The following GULP1 variants were observed in gnomAD, a reference collection of about 807,000 sequenced individuals.
GULP1 encodes PTB domain-containing engulfment adapter protein 1.
A neutral mutation model predicts 40.9 loss-of-function variants in GULP1; 19 were observed. The observed-to-expected ratio is 0.46, with a 90% CI of 0.32 to 0.68. The LOEUF is 0.68. Among genes scored for constraint, GULP1 ranks in the 30% least tolerant of loss-of-function variants. GULP1 has a pLI of 0.03. For missense variants in GULP1, 312 were observed against 362.2 expected, an observed-to-expected ratio of 0.86 and a Z score of 1.12; for synonymous variants, 119 against 117.6, an observed-to-expected ratio of 1.01 and a Z score of -0.08.
chr2:188,511,553 A>C (rs1559327191), intron 4 of GULP1, among the ~76,000 whole-genome samples: 1 of 152,150 alleles, frequency 6.6e-6, no homozygotes, highest in Admixed American at 6.6e-5. Context: ...GAGGGACTCC[A>C]CAGGCAGGAC....
chr2:188,475,711 T>A (rs1049515689), intron 2 of GULP1, among the ~76,000 whole-genome samples: 7 of 152,144 alleles, frequency 4.6e-5, no homozygotes, highest in Non-Finnish European at 8.8e-5. Flanking sequence ...AGTTTATTTT[T>A]ATTTTTTCCT....
intron 7 of GULP1, among the ~76,000 whole-genome samples, chr2:188,565,726 G>A (rs1396181290): frequency 6.6e-6 from 1 of 152,022 alleles, no homozygotes; most frequent in Non-Finnish European, 1.5e-5. Flanking sequence ...GATCTTAGAA[G>A]AATGTTTGTG....
intron 6 of GULP1, among the ~76,000 whole-genome samples, chr2:188,531,852 T>C (rs113968152): frequency 0.01 from 1,592 of 152,236 alleles, 22 homozygotes; most frequent in African/African-American, 0.036. Flanking sequence ...AAAATAAGAA[T>C]AATCCTATTC....
chr2:188,587,986 T>A, intron 11 of GULP1, 37 bp downstream of exon 11: 4 of 1,021,142 alleles, frequency 3.9e-6, no homozygotes, highest in Non-Finnish European at 6.3e-6. Context: ...AAATGATTTA[T>A]TTCATTTTGA....
At chr2:188,329,714 G>T (rs2041290317) in intron 1 of GULP1, among the ~76,000 whole-genome samples, 1 of 152,148 alleles carries the variant, frequency 6.6e-6, no homozygotes, top group Non-Finnish European at 1.5e-5. Context: ...GGACAAAGAT[G>T]GAAGCAGGGA....
At chr2:188,312,326 G>A (rs2038307480) in intron 1 of GULP1, among the ~76,000 whole-genome samples, 1 of 151,980 alleles carries the variant, frequency 6.6e-6, no homozygotes, top group South Asian at 2.1e-4. Flanking sequence ...TCCACCAACA[G>A]AACCTGGTGT....
At chr2:188,307,582 C>T (rs548419242) in intron 1 of GULP1, among the ~76,000 whole-genome samples, 30 of 151,964 alleles carry the variant, frequency 2.0e-4, no homozygotes, top group African/African-American at 7.0e-4. Flanking sequence ...CAATAGTTTT[C>T]AATTATATAA....
In GULP1 at chr2:188,499,133, GTGTATATATATATATATATATATA is replaced by G. The variant is rs1327794214; in HGVS notation, c.90+15643_90+15666del. Among the ~76,000 whole-genome samples, 10 of 120,716 alleles carry G rather than the reference GTGTATATATATATATATATATATA, an allele frequency of 8.3e-5. No individual in the cohort carries two copies. In the South Asian group the frequency reaches 1.0e-3, roughly 13 times the overall value. The allele number at this position is 120,716 out of a possible 152,430, so 79.2% of individuals were successfully genotyped here. On this transcript the variant is annotated intron_variant, in intron 4 of 11. Transcript: ENST00000409830. The stretch of plus-strand genomic sequence containing the variant: ...CATATACAAATGCACATATATGTGT[GTGTATATATATATATATATATATA>G]TATATATATATATGAACTCTGCATT...
chr2:188,574,707 C>T (rs1457345173), intron 9 of GULP1, among the ~76,000 whole-genome samples: 1 of 152,090 alleles, frequency 6.6e-6, no homozygotes, highest in Non-Finnish European at 1.5e-5. Flanking sequence ...TAAAAAATGA[C>T]AAGCCATCTT....
intron 1 of GULP1, among the ~76,000 whole-genome samples, chr2:188,316,220 A>G (rs763328326): frequency 3.5e-4 from 54 of 152,326 alleles, no homozygotes; most frequent in Non-Finnish European, 6.8e-4. Context: ...GTAAAGGCAG[A>G]TAAAACTGAC....
intron 2 of GULP1, among the ~76,000 whole-genome samples, chr2:188,469,585 G>T (rs2060418186): frequency 6.6e-6 from 1 of 152,118 alleles, no homozygotes; most frequent in South Asian, 2.1e-4. Context: ...GTGAGCAGGA[G>T]CAAGAGAGAG....
At chr2:188,508,102 T>C (rs1330681112) in intron 4 of GULP1, among the ~76,000 whole-genome samples, 2 of 151,928 alleles carry the variant, frequency 1.3e-5, no homozygotes, top group East Asian at 3.9e-4. Context: ...TGAAAAATAC[T>C]CGTAGAAGTT....
At chr2:188,446,991 G>A (rs1293227548) in intron 2 of GULP1, among the ~76,000 whole-genome samples, 2 of 152,120 alleles carry the variant, frequency 1.3e-5, no homozygotes, top group South Asian at 2.1e-4. Flanking sequence ...TGTTCAAGGT[G>A]GTCAGGGCAT....
At chr2:188,412,635 T>C (rs2054054914) in intron 2 of GULP1, among the ~76,000 whole-genome samples, 1 of 152,110 alleles carries the variant, frequency 6.6e-6, no homozygotes, top group African/African-American at 2.4e-5. Flanking sequence ...GTTGAAGTGG[T>C]ATTGGGCATC....
At chr2:188,317,162 T>C (rs896247439) in intron 1 of GULP1, among the ~76,000 whole-genome samples, 2 of 152,180 alleles carry the variant, frequency 1.3e-5, no homozygotes, top group African/African-American at 2.4e-5. Context: ...CAATCTGGCC[T>C]CAGCCACTTG....
At chr2:188,473,155 T>TTCTCTC (rs147222438) in intron 2 of GULP1, among the ~76,000 whole-genome samples, 3 of 120,916 alleles carry the variant, frequency 2.5e-5, no homozygotes, top group South Asian at 2.2e-4. Context: ...GGGTCTCTCT[T>TTCTCTC]TCTCTCTCTC....
chr2:188,584,846 C>G (rs1702033737), intron 10 of GULP1, among the ~76,000 whole-genome samples: 1 of 151,626 alleles, frequency 6.6e-6, no homozygotes, highest in South Asian at 2.1e-4. Context: ...ATTTCTTAAC[C>G]TTTTGTAAGG....
chr2:188,375,974 A>G (rs957197111), intron 1 of GULP1, among the ~76,000 whole-genome samples: 5 of 152,144 alleles, frequency 3.3e-5, no homozygotes, highest in Non-Finnish European at 7.3e-5. Context: ...GAACCCGTAT[A>G]TATGAAAAGC....
chr2:188,483,391 T>C (rs1470225620), intron 3 of GULP1, 40 bp from the exon 4 acceptor site: 1 of 1,043,984 alleles, frequency 9.6e-7, no homozygotes, highest in Non-Finnish European at 1.5e-6. Context: ...TATGACACCA[T>C]GGAAACCTAA....
Sources: gnomAD v4.1 joint callset for allele counts (sites outside exome capture counted in the v4.1 genomes callset) on GRCh38, gnomAD v4.1.1 for gene constraint, MANE v1.5 for transcripts, NCBI Gene and HGNC (gene_info 2026-07-23, HGNC 2026-07-21) for gene names.